Variants in PDSS2 observed in about 807,000 individuals in gnomAD.
The protein encoded by PDSS2 is all trans-polyprenyl-diphosphate synthase PDSS2.
A neutral mutation model predicts 44.5 loss-of-function variants in PDSS2; 31 were observed. The ratio of observed to expected loss-of-function variants is 0.70; its 90% CI spans 0.52 to 0.94. The LOEUF is 0.94. PDSS2 is among the 40% of genes least tolerant of loss of function. The pLI, the probability that PDSS2 is intolerant of heterozygous loss-of-function variation, is 0.00. For missense variants in PDSS2, 452 were observed against 482.2 expected (o/e 0.94, Z 0.59); for synonymous variants, 157 against 180.3 (o/e 0.87, Z 1.03).
At chr6:107,315,898 C>A (rs1343232457) in intron 2 of PDSS2, among the ~76,000 whole-genome samples, 1 of 152,174 alleles carries the variant, frequency 6.6e-6, no homozygotes, top group African/African-American at 2.4e-5. Flanking sequence ...GGGGCGGGAT[C>A]ATTTACCTCA....
chr6:107,326,244 C>T (rs947504703), intron 2 of PDSS2, among the ~76,000 whole-genome samples: 1 of 151,836 alleles, frequency 6.6e-6, no homozygotes, highest in African/African-American at 2.4e-5. Flanking sequence ...CTGGGACTTA[C>T]AGGCAGGTAC....
chr6:107,274,376 G>A (rs926984359), intron 2 of PDSS2, 149 bp from the exon 3 acceptor site: 11 of 692,936 alleles, frequency 1.6e-5, no homozygotes, highest in African/African-American at 7.1e-5. Flanking sequence ...TTTAAATAGA[G>A]GTCTCTCTAC....
intron 1 of PDSS2, among the ~76,000 whole-genome samples, chr6:107,388,447 AT>A (rs147100917): frequency 1.1e-3 from 155 of 137,236 alleles, no homozygotes; most frequent in Middle Eastern, 7.6e-3. Context: ...GTGCATGTGA[AT>A]TTTTTTTTTT....
chr6:107,373,132 T>C (rs1332485548), intron 1 of PDSS2, among the ~76,000 whole-genome samples: 1 of 151,928 alleles, frequency 6.6e-6, no homozygotes, highest in East Asian at 1.9e-4. Flanking sequence ...TACAGGCGTG[T>C]GCCACCATGC....
At chr6:107,439,097 A>C (rs532956175) in intron 1 of PDSS2, among the ~76,000 whole-genome samples, 1 of 152,346 alleles carries the variant, frequency 6.6e-6, no homozygotes, top group African/African-American at 2.4e-5. Flanking sequence ...ACAAAGACAT[A>C]CTGCAAGCAG....
In PDSS2 at chr6:107,213,016, C is replaced by A. The variant is rs74607306; in HGVS notation, c.703-734G>T. ...CAAGACCCTGTCTCTTTCTCTCCCC[C>A]TCTTTTTATTTGAGACAGGGTCTTG... On this transcript the variant is annotated intron_variant, in intron 4 of 7. Coordinates refer to ENST00000369037, the MANE Select transcript of PDSS2 (RefSeq NM_020381.4). Among the ~76,000 whole-genome samples the A allele has an allele frequency of 3.2e-3, 483 of 151,886 alleles. 4 individuals are homozygous for A. Among genetic ancestry groups the A allele is most frequent in the African/African-American group, 0.011 (445 of 41,482 alleles).
intron 1 of PDSS2, among the ~76,000 whole-genome samples, chr6:107,405,540 T>C (rs1049800586): frequency 8.6e-5 from 13 of 151,702 alleles, no homozygotes; most frequent in Admixed American, 7.9e-4. Flanking sequence ...GTAAATGCAT[T>C]AAATGCTCCA....
In PDSS2 at chr6:107,455,923, CTT is replaced by C. The variant is rs200132032; in HGVS notation, c.296+3065_296+3066del. Reference sequence around the variant, plus strand: ...CATGTGCACATCCAACAATTACGCTCTTGTTTTTATATCCTCGTGACATGAAC... The same window carrying C: ...CATGTGCACATCCAACAATTACGCTCGTTTTTATATCCTCGTGACATGAAC... On this transcript the variant is annotated intron_variant, in intron 1 of 7. Coordinates refer to ENST00000369037, the MANE Select transcript of PDSS2 (RefSeq NM_020381.4). Among the ~76,000 whole-genome samples, 1,334 of 152,220 alleles carry C rather than the reference CTT, an allele frequency of 8.8e-3. 30 individuals carry two copies. The highest frequency in any genetic ancestry group is 0.031 in the African/African-American group (1,275 of 41,524).
At chr6:107,334,158 C>T in intron 2 of PDSS2, 40 bp downstream of exon 2, 12 of 1,576,874 alleles carry the variant, frequency 7.6e-6, no homozygotes, top group Non-Finnish European at 8.7e-6. Flanking sequence ...AAAGAAAACA[C>T]GATGTAGAGA....
intron 1 of PDSS2, among the ~76,000 whole-genome samples, chr6:107,449,153 C>T (rs1444384589): frequency 6.6e-6 from 1 of 152,210 alleles, no homozygotes; most frequent in Non-Finnish European, 1.5e-5. Flanking sequence ...ACACTCCTCC[C>T]TATTCCTCAC....
At chr6:107,228,491 C>T (rs1469741132) in intron 4 of PDSS2, among the ~76,000 whole-genome samples, 2 of 152,010 alleles carry the variant, frequency 1.3e-5, no homozygotes, top group African/African-American at 2.4e-5. Context: ...GCCAGGAGTT[C>T]GAGACCAGCC....
Position 107,210,423 on chromosome 6 carries a change from A to C in PDSS2, c.1008+16T>G. 1 of 1,588,740 alleles carries C rather than the reference A, an allele frequency of 6.3e-7. No individual in the cohort carries two copies. The highest frequency in any genetic ancestry group is 1.1e-5 in the South Asian group (1 of 90,552). On this transcript the variant is annotated intron_variant, in intron 6 of 7. Coordinates refer to ENST00000369037, the MANE Select transcript of PDSS2 (RefSeq NM_020381.4). Reference sequence around the variant, plus strand: ...AATTACTACTGGTACCTAAAACAGGAGTAATTTCATTTTACCTCTCCGATC... The same window carrying C: ...AATTACTACTGGTACCTAAAACAGGCGTAATTTCATTTTACCTCTCCGATC...
intron 5 of PDSS2, among the ~76,000 whole-genome samples, chr6:107,211,656 G>C (rs1472860320): frequency 6.6e-6 from 1 of 151,670 alleles, no homozygotes; most frequent in South Asian, 2.1e-4. Context: ...CTTGAACCTG[G>C]GAGGCAGAGG....
intron 3 of PDSS2, among the ~76,000 whole-genome samples, chr6:107,252,214 C>T (rs1406439987): frequency 2.6e-5 from 4 of 152,152 alleles, no homozygotes; most frequent in African/African-American, 9.7e-5. Context: ...ATAAAGCCAT[C>T]GCTAAAGTCT....
chr6:107,253,927 C>T (rs575524313), intron 3 of PDSS2, among the ~76,000 whole-genome samples: 1 of 152,178 alleles, frequency 6.6e-6, no homozygotes, highest in South Asian at 2.1e-4. Flanking sequence ...CTTTGTGAGG[C>T]CAAGGTGGGA....
intron 3 of PDSS2, among the ~76,000 whole-genome samples, chr6:107,260,788 C>T (rs1471520237): frequency 1.3e-5 from 2 of 151,230 alleles, no homozygotes; most frequent in African/African-American, 2.4e-5. Context: ...CTCAGCCTCC[C>T]GAGTAGCTGG....
chr6:107,271,718 GA>G (rs1229072480), intron 3 of PDSS2, among the ~76,000 whole-genome samples: 1 of 152,192 alleles, frequency 6.6e-6, no homozygotes, highest in Non-Finnish European at 1.5e-5. Context: ...AAAGGGCTGG[GA>G]AAAGAGGTAA....
intron 7 of PDSS2, among the ~76,000 whole-genome samples, chr6:107,160,009 A>T (rs1379989434): frequency 6.6e-6 from 1 of 152,044 alleles, no homozygotes; most frequent in Admixed American, 6.6e-5. Flanking sequence ...TGAGGTCAGG[A>T]GTTCGAGATC....
intron 3 of PDSS2, among the ~76,000 whole-genome samples, chr6:107,247,316 T>C (rs1370391354): frequency 6.6e-6 from 1 of 152,220 alleles, no homozygotes; most frequent in Non-Finnish European, 1.5e-5. Context: ...GCATGAACTT[T>C]TAACAGTGGA....
Sources: allele counts gnomAD v4.1 joint callset (sites outside exome capture counted in the v4.1 genomes callset), GRCh38; gene constraint gnomAD v4.1.1; transcripts MANE v1.5; gene names NCBI Gene and HGNC (gene_info 2026-07-23, HGNC 2026-07-21).